CSMD1: variants seen among roughly 807,000 people sequenced by gnomAD.
CSMD1 encodes the protein CUB and sushi domain-containing protein 1.
Under a neutral mutation model 417.5 loss-of-function variants are expected in CSMD1, and 213 were observed. The ratio of observed to expected loss-of-function variants is 0.51; its 90% CI spans 0.46 to 0.57. The LOEUF (loss-of-function observed/expected upper bound fraction) is 0.57, where lower values mean the gene tolerates loss of function less well. CSMD1 is among the 20% of genes least tolerant of loss of function. CSMD1 has a pLI of 0.00. For synonymous variants in CSMD1, 2,862 were observed against 1,736.8 expected (o/e 1.65, Z -16.11); for missense variants, 6,923 against 4,529.7 (o/e 1.53, Z -15.17).
chr8:4,854,991 C>T (rs939891673), intron 1 of CSMD1, among the ~76,000 whole-genome samples: 10 of 152,188 alleles, frequency 6.6e-5, no homozygotes, highest in African/African-American at 9.6e-5. Flanking sequence ...ACATCAGTAA[C>T]CTCTGCAGAC....
chr8:4,840,516 G>C (rs969468542), intron 1 of CSMD1, among the ~76,000 whole-genome samples: 1 of 152,228 alleles, frequency 6.6e-6, no homozygotes, highest in Non-Finnish European at 1.5e-5. Flanking sequence ...TTATGGTGGT[G>C]AGACTTGCTG....
At chr8:3,234,456 G>A (rs556863718) in intron 26 of CSMD1, among the ~76,000 whole-genome samples, 4 of 152,202 alleles carry the variant, frequency 2.6e-5, no homozygotes, top group African/African-American at 9.6e-5. Context: ...TTTTGAACAG[G>A]GGAATCTCAC....
In CSMD1 at chr8:4,588,779, G is replaced by GACAC. The variant is rs10576784; in HGVS notation, c.302+48559_302+48562dup. Among the ~76,000 whole-genome samples the GACAC allele has an allele frequency of 7.8e-3, 1,144 of 146,454 alleles. 11 individuals carry two copies. The highest frequency in any genetic ancestry group is 0.023 in the African/African-American group (908 of 39,938). On this transcript the variant is annotated intron_variant, in intron 2 of 69. Transcript: ENST00000635120. ...CAGCCTGGCGACAGAGCAAGACTCC[G>GACAC]ACACACACACACACACACACACACA...
In CSMD1 at chr8:4,144,824, G is replaced by A. The variant is rs181424982; in HGVS notation, c.416-112725C>T. Among the ~76,000 whole-genome samples the A allele has an allele frequency of 1.7e-4, 25 of 151,030 alleles. 2 individuals carry two copies. The highest frequency in any genetic ancestry group is 2.7e-4 in the African/African-American group (11 of 40,440). On this transcript the variant is annotated intron_variant, in intron 3 of 69. Coordinates refer to ENST00000635120, the MANE Select transcript of CSMD1 (RefSeq NM_033225.6). ...GTTGCATCACCAAAAAGCAACATTC[G>A]CAATCATTCACAATGCAGGGAACCA...
At chr8:3,536,370 T>A (rs1357771662) in intron 10 of CSMD1, among the ~76,000 whole-genome samples, 1 of 152,258 alleles carries the variant, frequency 6.6e-6, no homozygotes, top group Non-Finnish European at 1.5e-5. Context: ...GGTGTCAGAA[T>A]TCCATGACCA....
chr8:3,548,466 G>T (rs932891501), intron 10 of CSMD1, among the ~76,000 whole-genome samples: 1 of 151,758 alleles, frequency 6.6e-6, no homozygotes, highest in African/African-American at 2.4e-5. Flanking sequence ...TTCTGCCTGA[G>T]TCCTCGAGGT....
intron 1 of CSMD1, among the ~76,000 whole-genome samples, chr8:4,852,660 T>C (rs1190680031): frequency 2.6e-5 from 4 of 151,998 alleles, no homozygotes. Flanking sequence ...TGGGTAGAGA[T>C]TGGAAGAGTT....
chr8:4,495,421 G>A (rs4875352), intron 2 of CSMD1, among the ~76,000 whole-genome samples: 88,262 of 151,702 alleles, frequency 0.58, 26,531 homozygotes, highest in African/African-American at 0.73. Flanking sequence ...TAAAAATACA[G>A]AAAATTAGCT....
At chr8:4,058,403 G>A (rs1303304359) in intron 3 of CSMD1, among the ~76,000 whole-genome samples, 2 of 152,126 alleles carry the variant, frequency 1.3e-5, no homozygotes, top group African/African-American at 4.8e-5. Context: ...AGACTTTGCT[G>A]AAGATGCTTA....
At chr8:3,293,812 C>G (rs1027267867) in intron 25 of CSMD1, among the ~76,000 whole-genome samples, 1 of 152,202 alleles carries the variant, frequency 6.6e-6, no homozygotes, top group South Asian at 2.1e-4. Context: ...TCATCTGAAG[C>G]CTTCTTCTCT....
intron 25 of CSMD1, among the ~76,000 whole-genome samples, chr8:3,285,827 ATATATATATTTTATTAT>A (rs1365423584): frequency 6.6e-6 from 1 of 151,246 alleles, no homozygotes; most frequent in Non-Finnish European, 1.5e-5. Flanking sequence ...TTGTGTATAT[ATATATATATTTTATTAT>A]TATTATACTT....
At chr8:4,568,660 GGT>G (rs1798736223) in intron 2 of CSMD1, among the ~76,000 whole-genome samples, 1 of 152,078 alleles carries the variant, frequency 6.6e-6, no homozygotes, top group Non-Finnish European at 1.5e-5. Context: ...TGGGTCAAAT[GGT>G]ATTTCTGGTT....
chr8:4,355,927 G>T (rs1472483572), intron 3 of CSMD1, among the ~76,000 whole-genome samples: 5 of 149,020 alleles, frequency 3.4e-5, no homozygotes, highest in Admixed American at 6.7e-5. Context: ...CTGTTTTTTT[G>T]TTTTGTTTTG....
chr8:3,321,854 G>C (rs548327216), intron 23 of CSMD1, among the ~76,000 whole-genome samples: 2 of 152,116 alleles, frequency 1.3e-5, no homozygotes, highest in African/African-American at 2.4e-5. Flanking sequence ...TTTCTGATTT[G>C]TACAAAATTT....
rs530059550 is a variant in CSMD1 at position 4,120,427 on chromosome 8, C to G, written c.416-88328G>C. On this transcript the variant is annotated intron_variant, in intron 3 of 69. Transcript: ENST00000635120. ...CATCCAATTGTTTGTTGAGTTTTCT[C>G]TCCTTCCTCCTCCTCTCTGTCTCAT... Among the ~76,000 whole-genome samples the G allele has an allele frequency of 2.6e-5, 4 of 152,316 alleles. No individual in the cohort carries two copies. The South Asian group carries it at 8.3e-4, about 32-fold the overall frequency.
intron 1 of CSMD1, among the ~76,000 whole-genome samples, chr8:4,856,332 C>G (rs7839511): frequency 1.4e-5 from 2 of 142,086 alleles, no homozygotes; most frequent in African/African-American, 5.3e-5. Flanking sequence ...TAAAGACCAT[C>G]GAGACTAGGA....
At chr8:3,485,902 T>C (rs556984624) in intron 11 of CSMD1, among the ~76,000 whole-genome samples, 4 of 152,280 alleles carry the variant, frequency 2.6e-5, no homozygotes, top group Middle Eastern at 3.4e-3. Flanking sequence ...CATTTTACTG[T>C]AGATTTGCAA....
chr8:4,647,535 T>A (rs1486813164), intron 1 of CSMD1, among the ~76,000 whole-genome samples: 1 of 152,044 alleles, frequency 6.6e-6, no homozygotes, highest in Non-Finnish European at 1.5e-5. Flanking sequence ...TTGCTGCACC[T>A]ATTGACCCCT....
intron 11 of CSMD1, chr8:3,469,078 A>T: frequency 3.0e-6 from 1 of 333,230 alleles, no homozygotes; most frequent in Non-Finnish European, 5.5e-6. Flanking sequence ...AATTTAGGGC[A>T]ATCAACCATC....
Sources: allele counts gnomAD v4.1 joint callset (sites outside exome capture counted in the v4.1 genomes callset), GRCh38; gene constraint gnomAD v4.1.1; transcripts MANE v1.5; gene names NCBI Gene and HGNC (gene_info 2026-07-23, HGNC 2026-07-21).